Variants in FAAH2 observed in about 807,000 individuals in gnomAD.
FAAH2 encodes the protein fatty-acid amide hydrolase 2.
In FAAH2, 60 loss-of-function variants were observed where a neutral mutation model predicts 36.9. The ratio of observed to expected loss-of-function variants is 1.63; its 90% CI spans 1.32 to 2.02. The LOEUF (loss-of-function observed/expected upper bound fraction) is 2.02, where lower values mean the gene tolerates loss of function less well. Ranked by LOEUF, FAAH2 falls within the 30% of genes most tolerant of loss-of-function variation. The probability of loss-of-function intolerance (pLI) is 0.00; values close to 1 mark genes in which losing one functional copy is unlikely to be tolerated. For missense variants in FAAH2, 689 were observed against 397.5 expected (o/e 1.73, Z -6.23); for synonymous variants, 214 against 143.8 (o/e 1.49, Z -3.49).
intron 5 of FAAH2, among the ~76,000 whole-genome samples, chrX:57,366,871 C>G (rs1196857404): frequency 8.9e-6 from 1 of 111,929 alleles, no homozygotes; most frequent in Non-Finnish European, 1.9e-5. Context: ...CTTTTCGGTT[C>G]CAACAAAGGC....
the FAAH2 span, among the ~76,000 whole-genome samples, chrX:57,171,285 T>C: frequency 1.8e-5 from 2 of 111,815 alleles, no homozygotes; most frequent in South Asian, 3.8e-4. Context: ...AGTAGTGGGA[T>C]TGCTGGATCA....
At chrX:57,378,514 C>T (rs1052061052) in intron 5 of FAAH2, 137 bp from the exon 6 acceptor site, 11 of 735,626 alleles carry the variant, frequency 1.5e-5, no homozygotes, top group Admixed American at 1.3e-4. Flanking sequence ...GAAACTACTG[C>T]AATGAGATAT....
rs773225165 is a variant in FAAH2, at chrX:57,287,026, G to T, written c.192+9G>T. The stretch of plus-strand genomic sequence containing the variant: ...TGATCCGACAGAGAAAGGTGAGAAT[G>T]CAATTCAGAAGAGGCTGGAGGGACA... On this transcript the variant is annotated intron_variant, in intron 1 of 10. Transcript: ENST00000374900. 1 of 1,174,024 alleles carries T rather than the reference G, an allele frequency of 8.5e-7. No homozygotes were observed. The highest frequency in any genetic ancestry group is 2.0e-5 in the South Asian group (1 of 50,904).
chrX:57,306,722 GTGTGTGTGTATA>G (rs1362799999), intron 2 of FAAH2, among the ~76,000 whole-genome samples: 16 of 76,787 alleles, frequency 2.1e-4, no homozygotes, highest in African/African-American at 7.2e-4. Flanking sequence ...GTGTGTGTGT[GTGTGTGTGTATA>G]TATATACACA....
the FAAH2 span, among the ~76,000 whole-genome samples, chrX:57,192,807 T>C: frequency 2.7e-5 from 3 of 112,027 alleles, no homozygotes; most frequent in Non-Finnish European, 5.6e-5. Context: ...TAAAGATAAA[T>C]TGTGAAGATT....
chrX:57,204,234 G>A, the FAAH2 span, among the ~76,000 whole-genome samples: 1 of 111,193 alleles, frequency 9.0e-6, no homozygotes, highest in Admixed American at 9.5e-5. Flanking sequence ...GGTTTTTGAG[G>A]GTGGTATCCC....
intron 8 of FAAH2, among the ~76,000 whole-genome samples, chrX:57,434,787 G>A (rs1409004792): frequency 9.0e-6 from 1 of 111,232 alleles, no homozygotes; most frequent in Non-Finnish European, 1.9e-5. Context: ...AGTAGTCCCA[G>A]CAATCCAAGA....
At chrX:57,210,959 C>T in the FAAH2 span, among the ~76,000 whole-genome samples, 3 of 112,001 alleles carry the variant, frequency 2.7e-5, no homozygotes, top group Non-Finnish European at 5.6e-5. Flanking sequence ...ATAGCAATAA[C>T]CATTCCAAAT....
intron 10 of FAAH2, among the ~76,000 whole-genome samples, chrX:57,462,312 G>T (rs1211560438): frequency 1.8e-5 from 2 of 111,152 alleles, no homozygotes; most frequent in Non-Finnish European, 3.8e-5. Context: ...ATTTTATGAG[G>T]CCAGCATTGT....
chrX:57,399,529 T>C (rs2055383365), intron 7 of FAAH2, among the ~76,000 whole-genome samples: 1 of 111,591 alleles, frequency 9.0e-6, no homozygotes, highest in Admixed American at 9.5e-5. Flanking sequence ...ATACTAGGGG[T>C]CCTTCTATAA....
chrX:57,314,871 G>A (rs2052793023), intron 3 of FAAH2, among the ~76,000 whole-genome samples: 2 of 111,243 alleles, frequency 1.8e-5, no homozygotes, highest in Admixed American at 1.9e-4. Flanking sequence ...TAACGCCAAT[G>A]TGAACTACGA....
At chrX:57,255,756 G>T in the FAAH2 span, among the ~76,000 whole-genome samples, 2 of 111,491 alleles carry the variant, frequency 1.8e-5, no homozygotes, top group African/African-American at 6.5e-5. Context: ...CAATAAACTG[G>T]GTATTGAGGG....
At chrX:57,147,636 G>C in the FAAH2 span, among the ~76,000 whole-genome samples, 2 of 111,559 alleles carry the variant, frequency 1.8e-5, no homozygotes, top group Non-Finnish European at 3.8e-5. Context: ...CTAGTTCCTT[G>C]AGGTGTGACA....
chrX:57,218,640 G>A, the FAAH2 span, among the ~76,000 whole-genome samples: 1 of 111,372 alleles, frequency 9.0e-6, no homozygotes, highest in Non-Finnish European at 1.9e-5. Context: ...TGTTCATCAA[G>A]GATAGTGGTC....
At chrX:57,213,370 C>T in the FAAH2 span, among the ~76,000 whole-genome samples, 1 of 110,837 alleles carries the variant, frequency 9.0e-6, no homozygotes, top group Non-Finnish European at 1.9e-5. Flanking sequence ...CTTCCGGCAG[C>T]CATATGTTTG....
At chrX:57,356,718 T>A (rs190631278) in intron 5 of FAAH2, among the ~76,000 whole-genome samples, 1 of 111,129 alleles carries the variant, frequency 9.0e-6, no homozygotes, top group Admixed American at 9.6e-5. Context: ...TTTTGTTGTT[T>A]TTTCTGTTGA....
the FAAH2 span, among the ~76,000 whole-genome samples, chrX:57,242,190 C>T: frequency 9.2e-4 from 103 of 111,793 alleles, 1 homozygote; most frequent in African/African-American, 3.2e-3. Flanking sequence ...GGTCAGCAGA[C>T]ACCTTATACA....
chrX:57,453,809 C>A (rs1444461300), intron 10 of FAAH2, among the ~76,000 whole-genome samples: 1 of 112,061 alleles, frequency 8.9e-6, no homozygotes, highest in African/African-American at 3.2e-5. Flanking sequence ...TTGGTGGTGG[C>A]CAAGCAAGGG....
At chrX:57,248,488 T>A in the FAAH2 span, among the ~76,000 whole-genome samples, 74 of 111,235 alleles carry the variant, frequency 6.7e-4, no homozygotes, top group African/African-American at 2.3e-3. Flanking sequence ...GCATGGTGGC[T>A]CACGCCTGTA....
Sources: allele counts gnomAD v4.1 joint callset (sites outside exome capture counted in the v4.1 genomes callset), GRCh38; gene constraint gnomAD v4.1.1; transcripts MANE v1.5; gene names NCBI Gene and HGNC (gene_info 2026-07-23, HGNC 2026-07-21).